RPS9: variants seen among roughly 807,000 people sequenced by gnomAD.
The protein encoded by RPS9 is ribosomal protein S9, also known as small ribosomal subunit protein uS4.
Under a neutral mutation model 16.9 loss-of-function variants are expected in RPS9, and 1 was observed. The observed-to-expected ratio is 0.06, with a 90% CI of 0.02 to 0.28. RPS9 has a LOEUF of 0.28. RPS9 is among the 10% of genes least tolerant of loss of function. RPS9 has a pLI of 1.00. For missense variants in RPS9, 137 were observed against 273.2 expected (o/e 0.50, Z 3.51); for synonymous variants, 106 against 110.9 (o/e 0.96, Z 0.28).
Position 54,201,280 on chromosome 19 carries a change from C to A in RPS9, c.96C>A (p.Ile32=), listed in dbSNP as rs771384115. ...KSRLDQELKL[I]GEYGLRNKRE... Reference sequence around the variant, plus strand: ...GTCTCGACCAAGAGCTGAAGCTGATCGGTGAGTGGCCAAGGCTTCCGGGAA... The same window carrying A: ...GTCTCGACCAAGAGCTGAAGCTGATAGGTGAGTGGCCAAGGCTTCCGGGAA... The change falls in exon 2 of 5, where the codon ATC becomes ATA. Residue 32 remains isoleucine, a splice_region_variant and synonymous_variant. Coordinates refer to ENST00000302907, the MANE Select transcript of RPS9 (RefSeq NM_001013.4). The A allele has an allele frequency of 2.5e-6, 4 of 1,613,896 alleles. No individual in the cohort carries two copies. The highest frequency in any genetic ancestry group is 3.4e-6 in the Non-Finnish European group (4 of 1,180,002).
At chr19:54,201,687 C>G in intron 3 of RPS9, 78 bp downstream of exon 3, 1 of 1,587,308 alleles carries the variant, frequency 6.3e-7, no homozygotes, top group South Asian at 1.1e-5. Flanking sequence ...GCCTCTGTTC[C>G]AGTGATGAGA....
At position 54,201,198 on chromosome 19, in the gene RPS9, G is replaced by A; in HGVS notation, c.14G>A (p.Arg5Gln). Reference sequence around the variant, plus strand: ...AGCGGAGCCAACATGCCAGTGGCCCGGAGCTGGGTTTGTCGCAAAACTTAT... The same window carrying A: ...AGCGGAGCCAACATGCCAGTGGCCCAGAGCTGGGTTTGTCGCAAAACTTAT... Reference protein sequence around the residue: MPVARSWVCRKTYVT... With the variant: MPVAQSWVCRKTYVT... The change falls in exon 2 of 5, where the codon CGG becomes CAG. Residue 5 changes from arginine (R) to glutamine (Q), a missense_variant. By Grantham distance (43) the Arg-to-Gln change is conservative (BLOSUM62 1). This residue lies in a region of RPS9 where 64 missense variants were observed against 164.0 expected (regional missense o/e 0.39). Coordinates refer to ENST00000302907, the MANE Select transcript of RPS9 (RefSeq NM_001013.4). 6.2e-7 allele frequency: 1 copy of A among 1,608,136 alleles called. No homozygotes were observed. The highest frequency in any genetic ancestry group is 8.5e-7 in the Non-Finnish European group (1 of 1,175,364).
chr19:54,201,066 A>C (rs945436625), intron 1 of RPS9, 94 bp from the exon 2 acceptor site: 1 of 1,521,872 alleles, frequency 6.6e-7, no homozygotes, highest in African/African-American at 1.4e-5. Context: ...TATTCTCGCG[A>C]GATCGGATCT....
intron 2 of RPS9, 92 bp from the exon 3 acceptor site, chr19:54,201,395 G>A: frequency 6.2e-7 from 1 of 1,606,578 alleles, no homozygotes; most frequent in Non-Finnish European, 8.5e-7. Flanking sequence ...TACTATTCGT[G>A]GTTTAGGAAG....
chr19:54,201,066 A>T (rs945436625), intron 1 of RPS9, 94 bp from the exon 2 acceptor site: 8 of 1,521,872 alleles, frequency 5.3e-6, no homozygotes, highest in African/African-American at 4.1e-5. Flanking sequence ...TATTCTCGCG[A>T]GATCGGATCT....
chr19:54,202,429 A>G (rs1279740123), intron 3 of RPS9: 3 of 985,158 alleles, frequency 3.0e-6, no homozygotes, highest in Non-Finnish European at 3.6e-6. Context: ...GGTCAAGGAC[A>G]TTTAGGTGGT....
At chr19:54,202,395 G>C in intron 3 of RPS9, 1 of 980,904 alleles carries the variant, frequency 1.0e-6, no homozygotes, top group Non-Finnish European at 1.2e-6. Context: ...ATGTTGTCCA[G>C]GCTGGTGCTT....
chr19:54,206,446 C>T lies in RPS9; in HGVS notation c.391C>T (p.Arg131Cys), dbSNP rs779499933. 35 of 1,614,140 alleles carry T rather than the reference C, an allele frequency of 2.2e-5. 1 individual carries two copies. The highest frequency in any genetic ancestry group is 1.6e-4 in the Middle Eastern group (1 of 6,084). The change falls in exon 4 of 5, where the codon CGC (arginine) becomes TGC (cysteine). Residue 131 changes from arginine (R) to cysteine (C), a missense_variant. Physicochemically the swap from Arg to Cys is radical, Grantham distance 180. Coordinates refer to ENST00000302907, the MANE Select transcript of RPS9 (RefSeq NM_001013.4). ...CATCCACCACGCTCGCGTGCTGATC[C>T]GCCAGCGCCATATCAGGTACCACCT... ...KSIHHARVLIRQRHIRVRKQV... is the reference protein window; with the variant it reads ...KSIHHARVLICQRHIRVRKQV...
chr19:54,201,095 G>C (rs1187989520), intron 1 of RPS9, 65 bp from the exon 2 acceptor site: 1 of 1,586,144 alleles, frequency 6.3e-7, no homozygotes, highest in Non-Finnish European at 8.6e-7. Flanking sequence ...CGAGGTTTTG[G>C]CGTAGTTGTG....
chr19:54,205,059 G>A lies in RPS9; in HGVS notation c.221-1217G>A, dbSNP rs114691421. ...GGAATATCAGAAGTGCCTGATGCAT[G>A]TAGATCTATTTATGAAAGCTTGCTT... On this transcript the variant is annotated intron_variant, in intron 3 of 4. Transcript: ENST00000302907. Among the ~76,000 whole-genome samples the A allele has an allele frequency of 9.7e-3, 1,473 of 152,316 alleles. 14 individuals are homozygous for A. Among genetic ancestry groups the A allele is most frequent in the African/African-American group, 0.034 (1,425 of 41,568 alleles).
At chr19:54,202,446 C>T (rs886860307) in intron 3 of RPS9, 1 of 985,176 alleles carries the variant, frequency 1.0e-6, no homozygotes, top group Non-Finnish European at 1.2e-6. Flanking sequence ...TGGTATTTAG[C>T]AAAGGCCTGA....
intron 4 of RPS9, chr19:54,207,033 G>A (rs1212981391): frequency 9.1e-6 from 4 of 441,094 alleles, no homozygotes; most frequent in Non-Finnish European, 1.6e-5. Flanking sequence ...CTGTGTTATT[G>A]TGGGCATTGC....
rs906945219 is a variant in RPS9, at chr19:54,206,271, C to T, written c.221-5C>T. Reference sequence around the variant, plus strand: ...GGAATCAGTGTTTCCTCCCACTCTTCCCAGGCAACGCCCTGCTGCGGCGGC... The same window carrying T: ...GGAATCAGTGTTTCCTCCCACTCTTTCCAGGCAACGCCCTGCTGCGGCGGC... On this transcript the variant is annotated splice_polypyrimidine_tract_variant and splice_region_variant and intron_variant, in intron 3 of 4. Transcript: ENST00000302907. 4.3e-6 allele frequency: 7 copies of T among 1,610,330 alleles called. No individual in the cohort carries two copies. In the East Asian group the frequency reaches 8.9e-5, roughly 21 times the overall value.
At chr19:54,206,797 C>T (rs2077256903) in intron 4 of RPS9, 5 of 1,336,188 alleles carry the variant, frequency 3.7e-6, no homozygotes, top group Admixed American at 2.8e-5. Flanking sequence ...GTTCAGCTGT[C>T]TCCTGGCCCG....
Position 54,207,621 on chromosome 19 carries a change from C to T in RPS9, c.*46C>T. 1 of 1,499,022 alleles carries T rather than the reference C, an allele frequency of 6.7e-7. No homozygotes were observed. The highest frequency in any genetic ancestry group is 9.0e-7 in the Non-Finnish European group (1 of 1,109,836). 92.9% of individuals were successfully genotyped at this position (1,499,022 alleles called of 1,614,324 possible). A position where few individuals can be genotyped will look rare whatever the true frequency, so the allele number is the denominator to read the frequency against. ...CTGCTGGATTGTCTCGTTTTCCTGC[C>T]AAATAAACAGGATCAGCGCTTTACA... On this transcript the variant is annotated 3_prime_UTR_variant, in exon 5 of 5. Coordinates refer to ENST00000302907, the MANE Select transcript of RPS9 (RefSeq NM_001013.4).
At chr19:54,203,001 T>A in intron 3 of RPS9, 1 of 982,736 alleles carries the variant, frequency 1.0e-6, no homozygotes, top group Non-Finnish European at 1.2e-6. Flanking sequence ...CCTGACCCTT[T>A]CATTCTTTTC....
chr19:54,202,853 G>A (rs920994077), intron 3 of RPS9: 5 of 985,312 alleles, frequency 5.1e-6, no homozygotes, highest in African/African-American at 1.7e-5. Context: ...TCCCAGGCTT[G>A]CAGATGTTAG....
rs186092941 is a variant in RPS9 at position 54,207,629 on chromosome 19, C to G, written c.*54C>G. The G allele has an allele frequency of 2.0e-5, 29 of 1,478,090 alleles. No homozygotes were observed. In the African/African-American group the frequency reaches 2.5e-4, roughly 13 times the overall value. The allele number at this position is 1,478,090 out of a possible 1,614,324, so 91.6% of individuals were successfully genotyped here. On this transcript the variant is annotated 3_prime_UTR_variant, in exon 5 of 5. Coordinates refer to ENST00000302907, the MANE Select transcript of RPS9 (RefSeq NM_001013.4). ...TTGTCTCGTTTTCCTGCCAAATAAA[C>G]AGGATCAGCGCTTTACAATTGGTGT...
intron 3 of RPS9, chr19:54,202,616 C>T (rs1293373154): frequency 8.6e-5 from 85 of 985,266 alleles, no homozygotes; most frequent in Non-Finnish European, 9.6e-5. Flanking sequence ...TTAAAATCTA[C>T]TCTGAGATGC....
Sources: gnomAD v4.1 joint callset for allele counts (sites outside exome capture counted in the v4.1 genomes callset) on GRCh38, gnomAD v4.1.1 for gene constraint, gnomAD v4.1.1 regional missense constraint, MANE v1.5 for transcripts, NCBI Gene and HGNC (gene_info 2026-07-23, HGNC 2026-07-21) for gene names.